LHFPL3: variants seen among roughly 807,000 people sequenced by gnomAD.
LHFPL3 encodes the protein LHFPL tetraspan subfamily member 3, also known as LHFPL tetraspan subfamily member 3 protein.
In LHFPL3, 5 loss-of-function variants were observed where a neutral mutation model predicts 19.3. The observed-to-expected ratio is 0.26, with a 90% confidence interval of 0.14 to 0.54. The LOEUF is 0.54. Among genes scored for constraint, LHFPL3 ranks in the 20% least tolerant of loss-of-function variants. The pLI, the probability that LHFPL3 is intolerant of heterozygous loss-of-function variation, is 0.94. For synonymous variants in LHFPL3, 133 were observed against 126.2 expected (o/e 1.05, Z -0.36); for missense variants, 249 against 307.4 (o/e 0.81, Z 1.42).
intron 1 of LHFPL3, among the ~76,000 whole-genome samples, chr7:104,357,161 C>T (rs1790295038): frequency 6.6e-6 from 1 of 152,164 alleles, no homozygotes; most frequent in Non-Finnish European, 1.5e-5. Flanking sequence ...TGATGTTGTG[C>T]ACACAGAATT....
intron 1 of LHFPL3, among the ~76,000 whole-genome samples, chr7:104,459,706 T>C (rs59912285): frequency 0.18 from 27,727 of 152,118 alleles, 2,557 homozygotes; most frequent in African/African-American, 0.22. Flanking sequence ...GCTAGAGGGC[T>C]TTATTCTTGT....
intron 2 of LHFPL3, among the ~76,000 whole-genome samples, chr7:104,770,117 G>GA (rs1794526503): frequency 6.6e-6 from 1 of 152,056 alleles, no homozygotes; most frequent in South Asian, 2.1e-4. Flanking sequence ...CCTGGTACGA[G>GA]ATATTCTGGA....
At chr7:104,564,714 A>G (rs1790085132) in intron 1 of LHFPL3, among the ~76,000 whole-genome samples, 3 of 152,122 alleles carry the variant, frequency 2.0e-5, no homozygotes, top group Admixed American at 2.0e-4. Flanking sequence ...AAGGCAGTGG[A>G]AAGTAGCTCA....
At chr7:104,666,566 G>C in intron 1 of LHFPL3, among the ~76,000 whole-genome samples, 1 of 100,900 alleles carries the variant, frequency 9.9e-6, no homozygotes, top group African/African-American at 3.7e-5. Context: ...CTGTCGCCCA[G>C]GCTGGAGTGC....
At chr7:104,411,594 A>G (rs1482865338) in intron 1 of LHFPL3, among the ~76,000 whole-genome samples, 1 of 152,174 alleles carries the variant, frequency 6.6e-6, no homozygotes, top group African/African-American at 2.4e-5. Context: ...TCAGAACAAT[A>G]AAAATAGGCT....
intron 2 of LHFPL3, among the ~76,000 whole-genome samples, chr7:104,834,756 G>A (rs1183224829): frequency 2.0e-5 from 3 of 151,906 alleles, no homozygotes; most frequent in African/African-American, 7.3e-5. Flanking sequence ...CAGGCGGAGA[G>A]GGCTGCTTCA....
intron 1 of LHFPL3, among the ~76,000 whole-genome samples, chr7:104,551,930 C>A (rs1794668764): frequency 6.6e-6 from 1 of 152,106 alleles, no homozygotes; most frequent in South Asian, 2.1e-4. Flanking sequence ...GCTTATCAGC[C>A]ATCCTCTTCT....
chr7:104,484,979 A>G (rs1793210343), intron 1 of LHFPL3, among the ~76,000 whole-genome samples: 1 of 152,162 alleles, frequency 6.6e-6, no homozygotes, highest in Non-Finnish European at 1.5e-5. Flanking sequence ...ACTTTGGGGG[A>G]CACATTCCAA....
At chr7:104,541,397 TGTTGA>T (rs1470789323) in intron 1 of LHFPL3, among the ~76,000 whole-genome samples, 6 of 152,300 alleles carry the variant, frequency 3.9e-5, no homozygotes, top group African/African-American at 1.4e-4. Context: ...AGATGATACA[TGTTGA>T]GTAAGTGACT....
At chr7:104,793,824 A>T (rs1479444298) in intron 2 of LHFPL3, among the ~76,000 whole-genome samples, 2 of 152,226 alleles carry the variant, frequency 1.3e-5, no homozygotes, top group African/African-American at 4.8e-5. Context: ...GGTATCTCCC[A>T]TAGGAGAAGG....
At chr7:104,758,637 T>C (rs1359659271) in intron 2 of LHFPL3, among the ~76,000 whole-genome samples, 1 of 152,140 alleles carries the variant, frequency 6.6e-6, no homozygotes, top group African/African-American at 2.4e-5. Flanking sequence ...GAAAGAATGA[T>C]ATTACTCATG....
intron 2 of LHFPL3, among the ~76,000 whole-genome samples, chr7:104,899,397 A>T (rs909829706): frequency 2.0e-5 from 3 of 152,108 alleles, no homozygotes; most frequent in Non-Finnish European, 4.4e-5. Context: ...GAAACATATT[A>T]TCAAGGAAGG....
intron 1 of LHFPL3, among the ~76,000 whole-genome samples, chr7:104,369,243 G>A (rs1790562124): frequency 2.6e-5 from 4 of 152,080 alleles, no homozygotes; most frequent in Admixed American, 2.0e-4. Flanking sequence ...TCCACCTCTA[G>A]CCTCATGCAA....
At chr7:104,752,145 G>A (rs971876044) in intron 2 of LHFPL3, among the ~76,000 whole-genome samples, 10 of 152,248 alleles carry the variant, frequency 6.6e-5, no homozygotes, top group Admixed American at 3.3e-4. Flanking sequence ...CTTGTGCCTC[G>A]TGGTTTAGAC....
chr7:104,602,842 A>G (rs6974889), intron 1 of LHFPL3, among the ~76,000 whole-genome samples: 69,944 of 151,914 alleles, frequency 0.46, 16,234 homozygotes, highest in South Asian at 0.53. Context: ...ATCCCATGGC[A>G]GAAGGTGGAA....
intron 1 of LHFPL3, among the ~76,000 whole-genome samples, chr7:104,715,285 G>A (rs1188869209): frequency 2.0e-5 from 3 of 152,186 alleles, no homozygotes; most frequent in Admixed American, 2.0e-4. Flanking sequence ...TTGAGTAAGG[G>A]AAAGGAGTTC....
intron 1 of LHFPL3, among the ~76,000 whole-genome samples, chr7:104,558,553 G>A (rs954724244): frequency 6.6e-6 from 1 of 151,350 alleles, no homozygotes; most frequent in Non-Finnish European, 1.5e-5. Flanking sequence ...AAATTTGTTT[G>A]AGTTCATTGT....
Position 104,399,288 on chromosome 7 carries a change from T to C in LHFPL3, c.445+70064T>C, listed in dbSNP as rs986897836. On this transcript the variant is annotated intron_variant, in intron 1 of 2. Coordinates refer to ENST00000424859, the MANE Select transcript of LHFPL3 (RefSeq NM_199000.3). This position sits in a 1 kb window ranked among gnomAD's most constrained non-coding sequence, Gnocchi z 4.4. ...AATAAGCATCTAGAATTACAATGAATATGGGTGTTTGGGGCAGTTTTACTT... is the reference window on the plus strand; with the variant it reads ...AATAAGCATCTAGAATTACAATGAACATGGGTGTTTGGGGCAGTTTTACTT... Among the ~76,000 whole-genome samples the C allele has an allele frequency of 6.6e-6, 1 of 152,124 alleles. No individual in the cohort carries two copies. The highest frequency in any genetic ancestry group is 2.4e-5 in the African/African-American group (1 of 41,418).
chr7:104,624,066 G>A (rs1206849881), intron 1 of LHFPL3, among the ~76,000 whole-genome samples: 2 of 152,168 alleles, frequency 1.3e-5, no homozygotes, highest in African/African-American at 4.8e-5. Context: ...AGAAGAAGAC[G>A]ATGTTCCTTG....
Sources: allele counts gnomAD v4.1 joint callset (sites outside exome capture counted in the v4.1 genomes callset), GRCh38; gene constraint gnomAD v4.1.1; non-coding constraint Gnocchi (gnomAD v3.1); transcripts MANE v1.5; gene names NCBI Gene and HGNC (gene_info 2026-07-23, HGNC 2026-07-21).